Variants in HPCAL1 observed in about 807,000 individuals in gnomAD.
HPCAL1 encodes hippocalcin like 1.
HPCAL1 carries 8 observed loss-of-function variants against 17.1 expected under a neutral mutation model. That is an observed-to-expected ratio of 0.47 (90% CI 0.27 to 0.84). The LOEUF (loss-of-function observed/expected upper bound fraction) is 0.84, where lower values mean the gene tolerates loss of function less well. Among genes scored for constraint, HPCAL1 ranks in the 40% least tolerant of loss-of-function variants. HPCAL1 has a pLI of 0.13. For synonymous variants in HPCAL1, 112 were observed against 111.4 expected (o/e 1.01, Z -0.03); for missense variants, 165 against 271.1 (o/e 0.61, Z 2.75).
In HPCAL1 at chr2:10,395,156, A is replaced by T. The variant is rs1668940305; in HGVS notation, c.-110-1679A>T. ...CACACACACACACACACACACACAC[A>T]CACTGCTATCTTAAAAGCATAGGGA... On this transcript the variant is annotated intron_variant, in intron 1 of 4. Coordinates refer to ENST00000307845, the MANE Select transcript of HPCAL1 (RefSeq NM_002149.4). This position sits in a 1 kb window ranked among gnomAD's most constrained non-coding sequence, Gnocchi z 4.4. 6.9e-6 allele frequency among the ~76,000 whole-genome samples: 1 copy of T among 144,950 alleles called. No individual in the cohort carries two copies. Among genetic ancestry groups the T allele is most frequent in the South Asian group, 2.2e-4 (1 of 4,492 alleles).
Position 10,304,874 on chromosome 2 carries a change from G to A in HPCAL1, c.-111+1697G>A, listed in dbSNP as rs2125371033. On this transcript the variant is annotated intron_variant, in intron 1 of 4. Transcript: ENST00000307845. This position sits in a 1 kb window ranked among gnomAD's most constrained non-coding sequence, Gnocchi z 4.1. ...AGCGCCGGCATGGGGTTGGGCTGCG[G>A]AGGGGACAGCATGGGCGGCCTTTTG... 6.6e-6 allele frequency among the ~76,000 whole-genome samples: 1 copy of A among 152,244 alleles called. No individual in the cohort carries two copies. Among genetic ancestry groups the A allele is most frequent in the South Asian group, 2.1e-4 (1 of 4,828 alleles).
chr2:10,353,192 G>A (rs1342592055), intron 1 of HPCAL1, among the ~76,000 whole-genome samples: 74 of 152,188 alleles, frequency 4.9e-4, no homozygotes, highest in Non-Finnish European at 1.6e-4. Flanking sequence ...TGTCAAATGG[G>A]CAGTGTTTTG....
At position 10,303,145 on chromosome 2, in the gene HPCAL1, G is replaced by A. The variant is rs906497397; in HGVS notation, c.-143G>A. On this transcript the variant is annotated 5_prime_UTR_variant, in exon 1 of 5. Transcript: ENST00000307845. ...CCGCCGGCGCCGAACTTGGGCTCGGGAAGCCGGCGGACCGCGTCCTGCGCC... is the reference window on the plus strand; with the variant it reads ...CCGCCGGCGCCGAACTTGGGCTCGGAAAGCCGGCGGACCGCGTCCTGCGCC... 6.6e-6 allele frequency: 1 copy of A among 151,962 alleles called. No individual in the cohort carries two copies. Among genetic ancestry groups the A allele is most frequent in the Non-Finnish European group, 1.5e-5 (1 of 67,958 alleles). 9.4% of individuals were successfully genotyped at this position (151,962 alleles called of 1,614,324 possible).
Position 10,419,772 on chromosome 2 carries a change from C to T in HPCAL1, c.15C>T (p.Asn5=). Residue 5 remains asparagine (N), a synonymous_variant, in exon 3 of 5, where the codon AAC becomes AAT. Transcript: ENST00000307845. The surrounding 1 kb of genome is among the most constrained non-coding windows in gnomAD (Gnocchi z 5.0). MGKQ[N]SKLRPEVLQD... ...CGCCAGCCGCCATGGGCAAACAGAA[C>T]AGCAAGCTGCGGCCCGAGGTGCTGC... is the stretch of plus-strand genomic sequence containing the variant. The T allele has an allele frequency of 6.2e-7, 1 of 1,611,584 alleles. No individual in the cohort carries two copies. The highest frequency in any genetic ancestry group is 1.1e-5 in the South Asian group (1 of 90,944).
chr2:10,305,682 C>G (rs1332572905), intron 1 of HPCAL1, among the ~76,000 whole-genome samples: 1 of 152,204 alleles, frequency 6.6e-6, no homozygotes, highest in East Asian at 1.9e-4. Flanking sequence ...TGCCCAAACT[C>G]CAGCCAATGA....
intron 1 of HPCAL1, among the ~76,000 whole-genome samples, chr2:10,353,058 A>G (rs746890016): frequency 6.6e-6 from 1 of 152,218 alleles, no homozygotes; most frequent in Non-Finnish European, 1.5e-5. Context: ...GTAAGGGAAG[A>G]ATGAATCCCC....
chr2:10,360,828 TCTC>T (rs566278014), intron 1 of HPCAL1, among the ~76,000 whole-genome samples: 159 of 151,822 alleles, frequency 1.0e-3, no homozygotes, highest in Non-Finnish European at 1.7e-3. Flanking sequence ...GGGACTCTCT[TCTC>T]CTCTCTTGTC....
rs1293857948 is a variant in HPCAL1 at position 10,354,646 on chromosome 2, G to A, written c.-110-42189G>A. 1.3e-5 allele frequency among the ~76,000 whole-genome samples: 2 copies of A among 152,170 alleles called. No homozygotes were observed. Among genetic ancestry groups the A allele is most frequent in the Non-Finnish European group, 2.9e-5 (2 of 68,042 alleles). On this transcript the variant is annotated intron_variant, in intron 1 of 4. Transcript: ENST00000307845. The surrounding 1 kb of genome is among the most constrained non-coding windows in gnomAD (Gnocchi z 5.1). ...GCTTCTCACATTCTTTCCATTGTCC[G>A]ACGCACTGAGGCAGAGACAGGAATT...
intron 1 of HPCAL1, among the ~76,000 whole-genome samples, chr2:10,324,761 G>T (rs1424255099): frequency 6.7e-6 from 1 of 148,690 alleles, no homozygotes; most frequent in Non-Finnish European, 1.5e-5. Context: ...GTTGGGGGTG[G>T]GGTTGTTATT....
intron 1 of HPCAL1, among the ~76,000 whole-genome samples, chr2:10,320,543 G>C (rs192810015): frequency 1.3e-5 from 2 of 152,230 alleles, no homozygotes; most frequent in African/African-American, 4.8e-5. Flanking sequence ...ATGTGGAACC[G>C]TGAGCCAATT....
intron 1 of HPCAL1, among the ~76,000 whole-genome samples, chr2:10,368,347 T>TTG (rs1006250983): frequency 6.7e-5 from 10 of 150,008 alleles, no homozygotes; most frequent in South Asian, 6.4e-4. Flanking sequence ...GTGTGTAGGT[T>TTG]TGTGTGTGTG....
At chr2:10,416,362 T>G (rs866812552) in intron 2 of HPCAL1, among the ~76,000 whole-genome samples, 7 of 152,242 alleles carry the variant, frequency 4.6e-5, no homozygotes, top group African/African-American at 1.7e-4. Flanking sequence ...GGAGGGGGGC[T>G]TTCTGGGCAC....
intron 1 of HPCAL1, among the ~76,000 whole-genome samples, chr2:10,312,310 TCATCATCATCATATCATCA>T (rs1204282856): frequency 7.4e-5 from 1 of 13,488 alleles, no homozygotes; most frequent in East Asian, 8.5e-3. Context: ...ATCACCATCA[TCATCATCATCATATCATCA>T]TCATCATCAT....
At chr2:10,334,241 C>T (rs12464125) in intron 1 of HPCAL1, among the ~76,000 whole-genome samples, 72,278 of 151,762 alleles carry the variant, frequency 0.48, 17,644 homozygotes, top group East Asian at 0.75. Context: ...CCCAGCTCTT[C>T]GGGAGGCTGA....
intron 1 of HPCAL1, among the ~76,000 whole-genome samples, chr2:10,305,840 C>T (rs1313187488): frequency 4.6e-5 from 7 of 152,206 alleles, no homozygotes; most frequent in Admixed American, 4.6e-4. Context: ...TCGCTTGGTG[C>T]AAACGCCCCA....
At chr2:10,366,645 A>T (rs1397085113) in intron 1 of HPCAL1, among the ~76,000 whole-genome samples, 2 of 152,166 alleles carry the variant, frequency 1.3e-5, no homozygotes, top group Non-Finnish European at 2.9e-5. Flanking sequence ...CCAAGCTCAC[A>T]GTGCTGGCCA....
chr2:10,423,334 T>C (rs1032211594), intron 4 of HPCAL1: 2 of 516,524 alleles, frequency 3.9e-6, no homozygotes, highest in Non-Finnish European at 7.1e-6. Context: ...AGCCACTGTC[T>C]CCCCACTTAT....
intron 1 of HPCAL1, among the ~76,000 whole-genome samples, chr2:10,393,509 G>A (rs971064987): frequency 6.6e-6 from 1 of 152,232 alleles, no homozygotes; most frequent in Non-Finnish European, 1.5e-5. Flanking sequence ...AGGCCAACCT[G>A]GAACCAGCAC....
chr2:10,321,946 C>T (rs184608456), intron 1 of HPCAL1, among the ~76,000 whole-genome samples: 48 of 152,260 alleles, frequency 3.2e-4, no homozygotes, highest in Middle Eastern at 6.8e-3. Context: ...TTTGTACAAG[C>T]GTGCAAGTTT....
Sources: allele counts gnomAD v4.1 joint callset (sites outside exome capture counted in the v4.1 genomes callset), GRCh38; gene constraint gnomAD v4.1.1; non-coding constraint Gnocchi (gnomAD v3.1); transcripts MANE v1.5; gene names NCBI Gene and HGNC (gene_info 2026-07-23, HGNC 2026-07-21).